Variants in DAB1 observed in about 807,000 individuals in gnomAD.
The protein encoded by DAB1 is DAB adaptor protein 1.
Under a neutral mutation model 64.6 loss-of-function variants are expected in DAB1, and 15 were observed. The observed-to-expected ratio is 0.23, with a 90% CI of 0.16 to 0.36. The LOEUF (loss-of-function observed/expected upper bound fraction) is 0.36, where lower values mean the gene tolerates loss of function less well. DAB1 is among the 10% of genes least tolerant of loss of function. The probability of loss-of-function intolerance (pLI) is 1.00; values close to 1 mark genes in which losing one functional copy is unlikely to be tolerated. For synonymous variants in DAB1, 235 were observed against 251.9 expected (o/e 0.93, Z 0.64); for missense variants, 596 against 706.7 (o/e 0.84, Z 1.78).
chr1:57,330,358 G>T (rs932601838), intron 1 of DAB1, among the ~76,000 whole-genome samples: 1 of 152,150 alleles, frequency 6.6e-6, no homozygotes, highest in Non-Finnish European at 1.5e-5. Context: ...GATGTGTGTC[G>T]TACCCAGGCT....
At chr1:58,259,344 C>T (rs374634282) in intron 4 of DAB1, among the ~76,000 whole-genome samples, 1 of 151,796 alleles carries the variant, frequency 6.6e-6, no homozygotes, top group African/African-American at 2.4e-5. Context: ...TCTGCCTGTA[C>T]TTCTGCCTTC....
rs147058461 is a variant in DAB1 at position 58,529,837 on chromosome 1, T to A, written n.33-2502A>T. ...TAATCTAGAGATGATTTAAAGTATA[T>A]GAGAGGATGTGCATAGTTACATGCA... is the stretch of plus-strand genomic sequence containing the variant. On this transcript the variant is annotated intron_variant and non_coding_transcript_variant, in intron 1 of 20. Coordinates refer to the DAB1 transcript ENST00000485760. 5.0e-3 allele frequency among the ~76,000 whole-genome samples: 768 copies of A among 152,320 alleles called. 24 individuals are homozygous for A. The highest frequency in any genetic ancestry group is 0.046 in the Admixed American group (700 of 15,296).
At chr1:58,393,340 G>T (rs890235067) in intron 3 of DAB1, among the ~76,000 whole-genome samples, 8 of 151,934 alleles carry the variant, frequency 5.3e-5, no homozygotes, top group African/African-American at 1.9e-4. Context: ...GAGCAGAGAT[G>T]GAATGAATAC....
At chr1:58,218,692 GA>G (rs1658985551) in intron 4 of DAB1, among the ~76,000 whole-genome samples, 1 of 152,168 alleles carries the variant, frequency 6.6e-6, no homozygotes, top group Admixed American at 6.5e-5. Flanking sequence ...AAATGAGGAA[GA>G]AGAGAGAAAA....
At chr1:58,414,671 GC>G (rs914051293) in intron 3 of DAB1, among the ~76,000 whole-genome samples, 4 of 151,948 alleles carry the variant, frequency 2.6e-5, no homozygotes, top group African/African-American at 9.6e-5. Flanking sequence ...ATATTGAGAA[GC>G]TTTTAGACCT....
chr1:57,150,686 G>A (rs1387636806), intron 2 of DAB1, among the ~76,000 whole-genome samples: 2 of 152,204 alleles, frequency 1.3e-5, no homozygotes, highest in Non-Finnish European at 1.5e-5. Context: ...ACAGAGGAGA[G>A]ATGGCATTTG....
intron 4 of DAB1, among the ~76,000 whole-genome samples, chr1:58,218,856 C>T (rs1286562111): frequency 6.6e-6 from 1 of 152,146 alleles, no homozygotes; most frequent in Non-Finnish European, 1.5e-5. Context: ...TTCCCAAAAG[C>T]AGATTCTATC....
At chr1:58,024,335 T>C (rs1422399136) in intron 5 of DAB1, among the ~76,000 whole-genome samples, 1 of 152,172 alleles carries the variant, frequency 6.6e-6, no homozygotes, top group Non-Finnish European at 1.5e-5. Flanking sequence ...CTACACTGTG[T>C]CTTTGGACAA....
intron 5 of DAB1, among the ~76,000 whole-genome samples, chr1:58,126,272 AG>A (rs1653074663): frequency 6.6e-6 from 1 of 152,062 alleles, no homozygotes; most frequent in Non-Finnish European, 1.5e-5. Flanking sequence ...GGAACACACC[AG>A]CCCCTCAATA....
At chr1:57,680,209 C>T (rs1473599079) in intron 6 of DAB1, among the ~76,000 whole-genome samples, 1 of 152,192 alleles carries the variant, frequency 6.6e-6, no homozygotes, top group Non-Finnish European at 1.5e-5. Context: ...AAGAAAAGTC[C>T]AAGGTACTCA....
At chr1:58,302,420 CAG>C (rs1662194093) in intron 4 of DAB1, among the ~76,000 whole-genome samples, 1 of 152,060 alleles carries the variant, frequency 6.6e-6, no homozygotes, top group African/African-American at 2.4e-5. Flanking sequence ...AGCAAAGAAA[CAG>C]AGGGGAAACC....
chr1:57,138,254 C>T (rs554584213), intron 3 of DAB1, among the ~76,000 whole-genome samples: 8 of 152,036 alleles, frequency 5.3e-5, no homozygotes, highest in Non-Finnish European at 1.0e-4. Flanking sequence ...AACCTTAAAA[C>T]TAATAGATCC....
At chr1:58,392,741 G>A (rs72914340) in intron 3 of DAB1, among the ~76,000 whole-genome samples, 5,670 of 152,242 alleles carry the variant, frequency 0.037, 124 homozygotes, top group Middle Eastern at 0.044. Flanking sequence ...TAACCCTGTC[G>A]TTGGACTTCC....
At chr1:57,457,270 A>C (rs1227627921) in intron 7 of DAB1, among the ~76,000 whole-genome samples, 4 of 152,178 alleles carry the variant, frequency 2.6e-5, no homozygotes. Flanking sequence ...AACTGTGTGC[A>C]CCAACCTGTC....
intron 7 of DAB1, among the ~76,000 whole-genome samples, chr1:57,439,418 GTTTTTTCTTTTT>G (rs1447199848): frequency 3.4e-5 from 4 of 116,140 alleles, no homozygotes; most frequent in African/African-American, 7.1e-5. Flanking sequence ...TGGTGATGAG[GTTTTTTCTTTTT>G]TTTTTTTTTT....
At chr1:57,501,961 C>A (rs997036217) in intron 7 of DAB1, among the ~76,000 whole-genome samples, 1 of 152,084 alleles carries the variant, frequency 6.6e-6, no homozygotes, top group Non-Finnish European at 1.5e-5. Context: ...GTATACTATT[C>A]TGCCTAACTT....
intron 6 of DAB1, among the ~76,000 whole-genome samples, chr1:57,701,975 C>T (rs898956281): frequency 3.9e-5 from 6 of 152,176 alleles, no homozygotes; most frequent in African/African-American, 1.4e-4. Context: ...TGAGAGCTTA[C>T]ATATTGCCAT....
At chr1:57,281,792 CG>C (rs1308102020) in intron 2 of DAB1, among the ~76,000 whole-genome samples, 2 of 151,974 alleles carry the variant, frequency 1.3e-5, no homozygotes, top group African/African-American at 4.8e-5. Flanking sequence ...GAACTACCTT[CG>C]GGGACGGGGG....
chr1:58,058,130 T>A (rs180864833), intron 5 of DAB1, among the ~76,000 whole-genome samples: 1 of 152,278 alleles, frequency 6.6e-6, no homozygotes, highest in East Asian at 1.9e-4. Flanking sequence ...CCAATCTGTC[T>A]TATTCTTAGT....
Sources: allele counts gnomAD v4.1 joint callset (sites outside exome capture counted in the v4.1 genomes callset), GRCh38; gene constraint gnomAD v4.1.1; transcripts MANE v1.5; gene names NCBI Gene and HGNC (gene_info 2026-07-23, HGNC 2026-07-21).